Variants in TLL1 observed in about 807,000 individuals in gnomAD.
The protein encoded by TLL1 is tolloid-like protein 1.
A neutral mutation model predicts 128.2 loss-of-function variants in TLL1; 49 were observed. The ratio of observed to expected loss-of-function variants is 0.38; its 90% CI spans 0.30 to 0.48. TLL1 has a LOEUF of 0.48. Ranked by LOEUF, TLL1 falls within the 20% of genes least tolerant of loss-of-function variation. The pLI, the probability that TLL1 is intolerant of heterozygous loss-of-function variation, is 0.96. For synonymous variants in TLL1, 454 were observed against 418.8 expected (o/e 1.08, Z -1.03); for missense variants, 1,123 against 1,242.0 (o/e 0.90, Z 1.44).
At chr4:166,041,967 A>C in intron 10 of TLL1, 60 bp from the exon 11 acceptor site, 2 of 1,200,268 alleles carry the variant, frequency 1.7e-6, no homozygotes, top group South Asian at 1.2e-5. Flanking sequence ...CTAGTACAAA[A>C]AGAACGTAGA....
chr4:166,046,078 C>A (rs1739452493), intron 12 of TLL1, among the ~76,000 whole-genome samples: 5 of 152,112 alleles, frequency 3.3e-5, no homozygotes. Flanking sequence ...TGTCTCTGAT[C>A]ATTTTGTTAG....
chr4:165,896,643 C>T lies in TLL1; in HGVS notation c.169+22570C>T, dbSNP rs369948681. On this transcript the variant is annotated intron_variant, in intron 1 of 20. Transcript: ENST00000061240. Reference sequence around the variant, plus strand: ...GATTACAGGCACCCACCACCATGTGCGGCTAATTTTTTTGTATTTTTAGTA... The same window carrying T: ...GATTACAGGCACCCACCACCATGTGTGGCTAATTTTTTTGTATTTTTAGTA... 1.7e-4 allele frequency among the ~76,000 whole-genome samples: 26 copies of T among 151,976 alleles called. 1 individual carries two copies. Among genetic ancestry groups the T allele is most frequent in the African/African-American group, 5.1e-4 (21 of 41,456 alleles).
chr4:165,992,620 G>A (rs74891461), intron 2 of TLL1, among the ~76,000 whole-genome samples, 184 bp from the exon 3 acceptor site: 1 of 152,102 alleles, frequency 6.6e-6, no homozygotes, highest in East Asian at 1.9e-4. Flanking sequence ...CCTTATTTTA[G>A]TTACCAACAT....
rs971227279 is a variant in TLL1, at chr4:165,881,162, C to A, written c.169+7089C>A. On this transcript the variant is annotated intron_variant, in intron 1 of 20. Transcript: ENST00000061240. ...ATAGAAGTTAAGATCTTTCAAATATCCCCGGGAGAAACACCATGAATAATT... is the reference window on the plus strand; with the variant it reads ...ATAGAAGTTAAGATCTTTCAAATATACCCGGGAGAAACACCATGAATAATT... Among the ~76,000 whole-genome samples the A allele has an allele frequency of 2.0e-5, 3 of 152,102 alleles. No homozygotes were observed. In the East Asian group the frequency reaches 5.8e-4, roughly 29 times the overall value.
intron 1 of TLL1, among the ~76,000 whole-genome samples, chr4:165,883,159 G>T (rs145292869): frequency 6.6e-6 from 1 of 152,210 alleles, no homozygotes; most frequent in Non-Finnish European, 1.5e-5. Context: ...AAAAACAAGT[G>T]TCCTATATTA....
At chr4:166,047,154 A>AT (rs1242740632) in intron 12 of TLL1, among the ~76,000 whole-genome samples, 1 of 151,306 alleles carries the variant, frequency 6.6e-6, no homozygotes, top group Non-Finnish European at 1.5e-5. Flanking sequence ...AACTGTTTAT[A>AT]TTTTTGTTTA....
At chr4:165,895,633 TAAAAAAAAAA>T (rs57920393) in intron 1 of TLL1, among the ~76,000 whole-genome samples, 27,978 of 68,498 alleles carry the variant, frequency 0.41, 4,242 homozygotes, top group East Asian at 0.63. Flanking sequence ...AGACTTTTTG[TAAAAAAAAAA>T]AAAAAAAAAA....
intron 17 of TLL1, among the ~76,000 whole-genome samples, chr4:166,076,958 T>G (rs1248944608): frequency 6.6e-6 from 1 of 152,162 alleles, no homozygotes. Context: ...CATGTTACCC[T>G]TGCTGTGTGG....
At chr4:166,040,317 T>C (rs959027905) in intron 10 of TLL1, among the ~76,000 whole-genome samples, 1 of 152,146 alleles carries the variant, frequency 6.6e-6, no homozygotes, top group Admixed American at 6.5e-5. Context: ...AAATAAAGAA[T>C]TGAACTAATG....
Position 165,873,781 on chromosome 4 carries a change from G to T in TLL1, c.-124G>T. On this transcript the variant is annotated 5_prime_UTR_variant, in exon 1 of 21. Coordinates refer to ENST00000061240, the MANE Select transcript of TLL1 (RefSeq NM_012464.5). ...ATGTTTCCGGACACCTGAGCACCCC[G>T]GTCCCGCCGAGGAGCCTCCGGGTGG... 9.2e-7 allele frequency: 1 copy of T among 1,085,528 alleles called. No homozygotes were observed. The allele number at this position is 1,085,528 out of a possible 1,614,324, so 67.2% of individuals were successfully genotyped here.
At chr4:165,917,938 T>G (rs1732860943) in intron 1 of TLL1, among the ~76,000 whole-genome samples, 1 of 152,202 alleles carries the variant, frequency 6.6e-6, no homozygotes. Flanking sequence ...TAGCGTAACT[T>G]TAAAAAATTG....
At chr4:165,891,982 T>G (rs1384346029) in intron 1 of TLL1, among the ~76,000 whole-genome samples, 1 of 152,240 alleles carries the variant, frequency 6.6e-6, no homozygotes, top group Admixed American at 6.5e-5. Context: ...GGAAAGAGGT[T>G]TAATTGACTC....
chr4:166,055,369 A>T, intron 13 of TLL1, 98 bp downstream of exon 13: 3 of 1,038,966 alleles, frequency 2.9e-6, no homozygotes, highest in Non-Finnish European at 4.4e-6. Flanking sequence ...AGTTGTATTG[A>T]AAGTTGAATA....
At chr4:165,882,768 G>A (rs561597241) in intron 1 of TLL1, among the ~76,000 whole-genome samples, 46 of 152,044 alleles carry the variant, frequency 3.0e-4, no homozygotes, top group Middle Eastern at 3.4e-3. Context: ...ACAGGCATGC[G>A]CCACCACGCC....
At chr4:166,076,826 C>T (rs1191762573) in intron 17 of TLL1, among the ~76,000 whole-genome samples, 3 of 152,128 alleles carry the variant, frequency 2.0e-5, no homozygotes, top group Non-Finnish European at 4.4e-5. Flanking sequence ...TTATTGTAAT[C>T]TTCTGTTGCA....
At chr4:166,026,090 C>G (rs969872156) in intron 9 of TLL1, among the ~76,000 whole-genome samples, 3 of 152,012 alleles carry the variant, frequency 2.0e-5, no homozygotes, top group Admixed American at 1.3e-4. Context: ...ACAACAACAA[C>G]AACAACAAGG....
At position 165,927,468 on chromosome 4, in the gene TLL1, G is replaced by A. The variant is rs76420102; in HGVS notation, c.169+53395G>A. On this transcript the variant is annotated intron_variant, in intron 1 of 20. Transcript: ENST00000061240. ...CAGCCATAGACCAAGTGACAACATC[G>A]TTGTTTTTAATAAAACGGATTAATA... Among the ~76,000 whole-genome samples, 387 of 152,224 alleles carry A rather than the reference G, an allele frequency of 2.5e-3. 2 individuals carry two copies. The highest frequency in any genetic ancestry group is 4.9e-3 in the Non-Finnish European group (330 of 68,008).
intron 12 of TLL1, among the ~76,000 whole-genome samples, chr4:166,047,228 G>T (rs954492548): frequency 6.6e-6 from 1 of 151,334 alleles, no homozygotes; most frequent in South Asian, 2.1e-4. Flanking sequence ...GCAGTGGCGC[G>T]ATCTCGGTTC....
chr4:165,998,148 T>C (rs1736970643), intron 5 of TLL1, among the ~76,000 whole-genome samples: 1 of 152,204 alleles, frequency 6.6e-6, no homozygotes, highest in Admixed American at 6.5e-5. Context: ...GTTATTGTCA[T>C]CAGTGGCATT....
Sources: allele counts gnomAD v4.1 joint callset (sites outside exome capture counted in the v4.1 genomes callset), GRCh38; gene constraint gnomAD v4.1.1; transcripts MANE v1.5; gene names NCBI Gene and HGNC (gene_info 2026-07-23, HGNC 2026-07-21).